HEATR1: variants seen among roughly 807,000 people sequenced by gnomAD.
HEATR1 encodes HEAT repeat-containing protein 1.
A neutral mutation model predicts 248.2 loss-of-function variants in HEATR1; 77 were observed. The ratio of observed to expected loss-of-function variants is 0.31; its 90% CI spans 0.26 to 0.37. The LOEUF (loss-of-function observed/expected upper bound fraction) is 0.37. Ranked by LOEUF, HEATR1 falls within the 10% of genes least tolerant of loss-of-function variation. HEATR1 has a pLI of 1.00. For synonymous variants in HEATR1, 897 were observed against 923.1 expected, an observed-to-expected ratio of 0.97 and a Z score of 0.51; for missense variants, 2,420 against 2,504.9, an observed-to-expected ratio of 0.97 and a Z score of 0.72.
chr1:236,569,150 T>G, intron 28 of HEATR1, 26 bp from the exon 29 acceptor site: 1 of 1,535,666 alleles, frequency 6.5e-7, no homozygotes, highest in Non-Finnish European at 8.8e-7. Context: ...ACTATCAACA[T>G]TTTTTATTTC....
chr1:236,566,898 CA>C (rs769020195), intron 29 of HEATR1, 22 bp from the exon 30 acceptor site: 267 of 1,511,228 alleles, frequency 1.8e-4, no homozygotes, highest in Non-Finnish European at 2.4e-4. Flanking sequence ...CAAGCAGAGA[CA>C]ATGAGTAGGT....
chr1:236,564,337 G>A (rs1022069886), intron 32 of HEATR1, among the ~76,000 whole-genome samples, 161 bp downstream of exon 32: 3 of 152,098 alleles, frequency 2.0e-5, no homozygotes, highest in African/African-American at 4.8e-5. Flanking sequence ...AGATCATGAC[G>A]AACGGCTTTT....
intron 24 of HEATR1, 167 bp downstream of exon 24, chr1:236,574,035 A>T: frequency 2.1e-6 from 1 of 486,716 alleles, no homozygotes; most frequent in Non-Finnish European, 3.5e-6. Flanking sequence ...GTAAAGATTT[A>T]AAATTTTTAT....
intron 6 of HEATR1, among the ~76,000 whole-genome samples, chr1:236,596,367 T>C (rs1664177849): frequency 6.6e-6 from 1 of 152,148 alleles, no homozygotes; most frequent in Non-Finnish European, 1.5e-5. Context: ...AGATCACTAA[T>C]GGAAGAAACA....
At chr1:236,601,489 A>T (rs1352239922) in intron 3 of HEATR1, among the ~76,000 whole-genome samples, 1 of 152,124 alleles carries the variant, frequency 6.6e-6, no homozygotes, top group Non-Finnish European at 1.5e-5. Context: ...CAATTAATGG[A>T]ATAGAAATCT....
chr1:236,599,452 A>G (rs756725758), intron 4 of HEATR1, 31 bp downstream of exon 4: 8 of 1,587,756 alleles, frequency 5.0e-6, no homozygotes, highest in Non-Finnish European at 6.9e-6. Flanking sequence ...ATCTGTAATG[A>G]TTACAGACAT....
In HEATR1 at chr1:236,556,121, CTTG is replaced by C; in HGVS notation, c.5490_5492del (p.Tyr1830_Lys1831delinsTer). Reference sequence around the variant, plus strand: ...TAACCTTCCAGTTCTTCTCAATCTGCTTGTAAGTTTTTTTGATGGCGGGCAACA... The same window carrying C: ...TAACCTTCCAGTTCTTCTCAATCTGCTAAGTTTTTTTGATGGCGGGCAACA... On this transcript the variant is annotated stop_gained and inframe_deletion, in exon 38 of 45. Transcript: ENST00000366582. LOFTEE classifies it high-confidence loss of function. 1 of 1,614,136 alleles carries C rather than the reference CTTG, an allele frequency of 6.2e-7. No individual in the cohort carries two copies.
At chr1:236,595,790 T>C in intron 7 of HEATR1, 43 bp downstream of exon 7, 1 of 1,540,316 alleles carries the variant, frequency 6.5e-7, no homozygotes. Context: ...AATAATTTTA[T>C]TCACCTCTGA....
chr1:236,550,773 A>T lies in HEATR1; in HGVS notation c.*129T>A. 1 of 685,362 alleles carries T rather than the reference A, an allele frequency of 1.5e-6. No individual in the cohort carries two copies. Among genetic ancestry groups the T allele is most frequent in the Non-Finnish European group, 2.4e-6 (1 of 410,796 alleles). The allele number at this position is 685,362 out of a possible 1,614,324, so 42.5% of individuals were successfully genotyped here. On this transcript the variant is annotated 3_prime_UTR_variant, in exon 45 of 45. Coordinates refer to ENST00000366582, the MANE Select transcript of HEATR1 (RefSeq NM_018072.6). Reference sequence around the variant, plus strand: ...GGTGGGGATTTTGTAAAGAAGTGATAAAACATTTGTAAGTAATCCAAGTAG... The same window carrying T: ...GGTGGGGATTTTGTAAAGAAGTGATTAAACATTTGTAAGTAATCCAAGTAG...
At chr1:236,598,114 G>A in intron 4 of HEATR1, 135 bp from the exon 5 acceptor site, 1 of 536,766 alleles carries the variant, frequency 1.9e-6, no homozygotes, top group Non-Finnish European at 3.3e-6. Context: ...ATAACTGGTG[G>A]TGGTGATGAA....
rs555399170 is a variant in HEATR1, at chr1:236,555,850, G to C, written c.5604C>G (p.Thr1868=). The change falls in exon 39 of 45, where the codon ACC becomes ACG. Residue 1868 remains threonine, a synonymous_variant. Coordinates refer to ENST00000366582, the MANE Select transcript of HEATR1 (RefSeq NM_018072.6). ...EELTSHQSQL[T]AFFLEALDFR... ...AGTCCAGGGCTTCCAGGAAAAAGGC[G>C]GTTAGCTGAGACTGATGGGAGGTGA... 5.0e-6 allele frequency: 8 copies of C among 1,614,038 alleles called. No individual in the cohort carries two copies. The highest frequency in any genetic ancestry group is 3.3e-5 in the Admixed American group (2 of 60,028).
Position 236,603,216 on chromosome 1 carries a change from C to A in HEATR1, c.303G>T (p.Leu101Phe). 3 of 1,614,134 alleles carry A rather than the reference C, an allele frequency of 1.9e-6. No individual in the cohort carries two copies. The highest frequency in any genetic ancestry group is 2.5e-6 in the Non-Finnish European group (3 of 1,180,010). ...DENISLFLIH[L>F]SPYFLLKPAQ... is the part of the protein sequence containing the mutation. ...CTGGCTTAAGCAGGAAGTAAGGCGA[C>A]AAGTGAATAAGGAATAATGAAATGT... Residue 101 changes from leucine to phenylalanine, a missense_variant, in exon 3 of 45, where the codon TTG becomes TTT. Coordinates refer to ENST00000366582, the MANE Select transcript of HEATR1 (RefSeq NM_018072.6).
In HEATR1 at chr1:236,583,853, C is replaced by A. The variant is rs576138785; in HGVS notation, c.2242-657G>T. Among the ~76,000 whole-genome samples, 13 of 152,238 alleles carry A rather than the reference C, an allele frequency of 8.5e-5. 1 individual carries two copies. Among genetic ancestry groups the A allele is most frequent in the Admixed American group, 7.2e-4 (11 of 15,300 alleles). ...TGCCAAGACATAGTTAAAGGGAATT[C>A]TTTGATTTCACTGTTTTACCACTAA... On this transcript the variant is annotated intron_variant, in intron 17 of 44. Transcript: ENST00000366582.
chr1:236,592,482 G>C, intron 10 of HEATR1, 41 bp downstream of exon 10: 1 of 791,706 alleles, frequency 1.3e-6, no homozygotes, highest in Non-Finnish European at 2.2e-6. Flanking sequence ...TATAGAACAG[G>C]AAGTACTTTA....
At chr1:236,584,989 C>T in intron 17 of HEATR1, 36 bp downstream of exon 17, 1 of 1,569,612 alleles carries the variant, frequency 6.4e-7, no homozygotes. Flanking sequence ...TTGTTTTATT[C>T]AACATCCCAC....
intron 3 of HEATR1, among the ~76,000 whole-genome samples, chr1:236,600,814 C>T (rs1456541682): frequency 1.2e-4 from 18 of 152,072 alleles, no homozygotes; most frequent in Non-Finnish European, 1.5e-4. Flanking sequence ...GGATTACAGG[C>T]GTGAGCCACT....
chr1:236,586,068 T>C (rs1249785546), intron 15 of HEATR1, 127 bp from the exon 16 acceptor site: 3 of 1,344,282 alleles, frequency 2.2e-6, no homozygotes, highest in African/African-American at 3.0e-5. Context: ...TTGTATCCGA[T>C]TCTGAATTTG....
At chr1:236,551,029 T>G (rs367816436) in intron 44 of HEATR1, 39 bp from the exon 45 acceptor site, 2 of 1,466,470 alleles carry the variant, frequency 1.4e-6, no homozygotes, top group Non-Finnish European at 9.3e-7. Context: ...AAAATCTGAG[T>G]CAGTCCGCCT....
chr1:236,593,142 C>T (rs1008700554), intron 9 of HEATR1, among the ~76,000 whole-genome samples: 1 of 151,594 alleles, frequency 6.6e-6, no homozygotes, highest in Non-Finnish European at 1.5e-5. Context: ...TGCAGTGAGC[C>T]GAGATTGTGC....
Sources: gnomAD v4.1 joint callset for allele counts (sites outside exome capture counted in the v4.1 genomes callset) on GRCh38, gnomAD v4.1.1 for gene constraint, MANE v1.5 for transcripts, NCBI Gene and HGNC (gene_info 2026-07-23, HGNC 2026-07-21) for gene names.